GABRA1: variants seen among roughly 807,000 people sequenced by gnomAD.
GABRA1 encodes the protein gamma-aminobutyric acid type A receptor subunit alpha1.
Under a neutral mutation model 48.9 loss-of-function variants are expected in GABRA1, and 9 were observed. The ratio of observed to expected loss-of-function variants is 0.18; its 90% CI spans 0.11 to 0.32. The LOEUF (loss-of-function observed/expected upper bound fraction) is 0.32. Ranked by LOEUF, GABRA1 falls within the 10% of genes least tolerant of loss-of-function variation. The pLI is 1.00. For synonymous variants in GABRA1, 210 were observed against 198.7 expected (o/e 1.06, Z -0.48); for missense variants, 285 against 553.8 (o/e 0.51, Z 4.87).
chr5:161,862,861 A>G (rs987133427), intron 3 of GABRA1, among the ~76,000 whole-genome samples: 2 of 151,988 alleles, frequency 1.3e-5, no homozygotes, highest in Non-Finnish European at 2.9e-5. Context: ...TCCAAAATGT[A>G]AGAATAGAGA....
intron 6 of GABRA1, among the ~76,000 whole-genome samples, chr5:161,878,150 A>G (rs2113398014): frequency 6.6e-6 from 1 of 152,350 alleles, no homozygotes; most frequent in African/African-American, 2.4e-5. Flanking sequence ...TTGAATGGAT[A>G]AAGGTTACAA....
intron 6 of GABRA1, among the ~76,000 whole-genome samples, chr5:161,879,100 T>A (rs968969427): frequency 6.6e-6 from 1 of 152,194 alleles, no homozygotes; most frequent in Non-Finnish European, 1.5e-5. Flanking sequence ...CCTTCTTGTC[T>A]TTTTTATTTT....
chr5:161,891,639 A>T (rs1191524976), intron 8 of GABRA1, among the ~76,000 whole-genome samples: 1 of 152,172 alleles, frequency 6.6e-6, no homozygotes, highest in Non-Finnish European at 1.5e-5. Context: ...AGGGTAAACA[A>T]CCTTTTACAA....
chr5:161,889,734 G>C (rs923352575), intron 7 of GABRA1, among the ~76,000 whole-genome samples: 6 of 151,870 alleles, frequency 4.0e-5, no homozygotes, highest in African/African-American at 1.5e-4. Flanking sequence ...ACAAGAGAGG[G>C]GCAGCTGTTT....
intron 9 of GABRA1, 128 bp downstream of exon 9, chr5:161,895,996 G>A (rs554032070): frequency 4.6e-5 from 37 of 809,752 alleles, no homozygotes; most frequent in Middle Eastern, 3.3e-4. Flanking sequence ...TTCTTATGTC[G>A]TAAACAATTA....
intron 7 of GABRA1, among the ~76,000 whole-genome samples, chr5:161,883,018 T>C (rs1754683787): frequency 6.6e-6 from 1 of 152,214 alleles, no homozygotes; most frequent in Non-Finnish European, 1.5e-5. Context: ...CCCAACCTTG[T>C]CAGTTGTTTG....
intron 7 of GABRA1, among the ~76,000 whole-genome samples, chr5:161,887,641 G>A (rs1352713555): frequency 6.6e-6 from 1 of 152,006 alleles, no homozygotes; most frequent in Non-Finnish European, 1.5e-5. Flanking sequence ...TGCAATATTA[G>A]TATCCATAGA....
At chr5:161,866,042 A>G (rs565074130) in intron 4 of GABRA1, among the ~76,000 whole-genome samples, 2 of 152,070 alleles carry the variant, frequency 1.3e-5, no homozygotes, top group East Asian at 1.9e-4. Flanking sequence ...ATTTTAAATG[A>G]TTGGTTTGCC....
At chr5:161,886,719 C>CT (rs1183220523) in intron 7 of GABRA1, among the ~76,000 whole-genome samples, 1 of 151,274 alleles carries the variant, frequency 6.6e-6, no homozygotes, top group African/African-American at 2.4e-5. Flanking sequence ...AGAAGCTTCA[C>CT]TGAGTCGAGA....
At chr5:161,865,924 T>C (rs534931503) in intron 4 of GABRA1, 136 bp downstream of exon 4, 2 of 655,864 alleles carry the variant, frequency 3.0e-6, no homozygotes, top group Non-Finnish European at 5.4e-6. Context: ...GTGTGTAATA[T>C]GTAATATGTA....
At chr5:161,861,619 T>G (rs2113338781) in intron 3 of GABRA1, among the ~76,000 whole-genome samples, 1 of 151,932 alleles carries the variant, frequency 6.6e-6, no homozygotes, top group Admixed American at 6.6e-5. Context: ...CAGCCAAAAC[T>G]AAGTAGCTCT....
intron 3 of GABRA1, 30 bp downstream of exon 3, chr5:161,854,300 G>A (rs754619388): frequency 8.6e-7 from 1 of 1,159,670 alleles, no homozygotes; most frequent in African/African-American, 1.5e-5. Context: ...TTTTGTTTTA[G>A]AGAATAATAT....
intron 7 of GABRA1, among the ~76,000 whole-genome samples, chr5:161,883,416 T>C (rs1754703415): frequency 6.6e-6 from 1 of 152,138 alleles, no homozygotes; most frequent in African/African-American, 2.4e-5. Context: ...GACCCACATC[T>C]TTAAAGTTGT....
At chr5:161,848,013 A>C (rs1449411904), upstream of GABRA1, 2 of 151,988 alleles carry the variant, frequency 1.3e-5, no homozygotes, top group African/African-American at 4.8e-5. Flanking sequence ...AGAGTGGTGC[A>C]AGTTAAATTG....
Position 161,850,776 on chromosome 5 carries a change from C to G in GABRA1, c.-15-20C>G. 1.9e-6 allele frequency: 3 copies of G among 1,600,416 alleles called. No homozygotes were observed. The highest frequency in any genetic ancestry group is 2.6e-6 in the Non-Finnish European group (3 of 1,167,528). On this transcript the variant is annotated intron_variant, in intron 1 of 9. Transcript: ENST00000393943. Reference sequence around the variant, plus strand: ...TGTTTCTTGCTAGAGACATTGATCTCTACTTATTCTACTTTTCAGCTGCTC... The same window carrying G: ...TGTTTCTTGCTAGAGACATTGATCTGTACTTATTCTACTTTTCAGCTGCTC...
chr5:161,862,921 G>GA (rs1757917525), intron 3 of GABRA1, among the ~76,000 whole-genome samples: 1 of 151,826 alleles, frequency 6.6e-6, no homozygotes, highest in African/African-American at 2.4e-5. Flanking sequence ...TTGTTCTCGA[G>GA]AAAAATCAGT....
intron 6 of GABRA1, among the ~76,000 whole-genome samples, chr5:161,876,769 A>T (rs139810277): frequency 5.9e-4 from 90 of 152,312 alleles, no homozygotes; most frequent in African/African-American, 2.1e-3. Context: ...TGAATAACAG[A>T]TCCATTTGTA....
intron 6 of GABRA1, among the ~76,000 whole-genome samples, chr5:161,876,057 AT>A: frequency 6.6e-6 from 1 of 152,242 alleles, no homozygotes; most frequent in South Asian, 2.1e-4. Context: ...GTGTTGGTAA[AT>A]GGCAAAGGAC....
chr5:161,852,600 A>G (rs942331601), intron 2 of GABRA1, among the ~76,000 whole-genome samples: 7 of 151,972 alleles, frequency 4.6e-5, no homozygotes, highest in African/African-American at 1.2e-4. Flanking sequence ...TCTTCTGCCA[A>G]TGAGACATAC....
Sources: allele counts gnomAD v4.1 joint callset (sites outside exome capture counted in the v4.1 genomes callset), GRCh38; gene constraint gnomAD v4.1.1; transcripts MANE v1.5; gene names NCBI Gene and HGNC (gene_info 2026-07-23, HGNC 2026-07-21).